PRKCH: variants seen among roughly 807,000 people sequenced by gnomAD.
PRKCH encodes protein kinase C eta, also known as protein kinase C eta type.
A neutral mutation model predicts 82.5 loss-of-function variants in PRKCH; 28 were observed. The observed-to-expected ratio is 0.34, with a 90% confidence interval of 0.25 to 0.47. The LOEUF is 0.47. PRKCH is among the 20% of genes least tolerant of loss of function. The pLI is 1.00. For missense variants in PRKCH, 705 were observed against 881.8 expected (o/e 0.80, Z 2.54); for synonymous variants, 322 against 327.4 (o/e 0.98, Z 0.18).
intron 1 of PRKCH, among the ~76,000 whole-genome samples, chr14:61,360,896 G>T (rs1025382443): frequency 4.6e-5 from 7 of 152,228 alleles, no homozygotes; most frequent in African/African-American, 1.7e-4. Flanking sequence ...TGGTGGGAGA[G>T]ACTGGAAGGA....
intron 9 of PRKCH, among the ~76,000 whole-genome samples, chr14:61,466,855 GC>G (rs1327593812): frequency 1.3e-5 from 2 of 152,150 alleles, no homozygotes. Context: ...GGAGTTCCTG[GC>G]AGGACCATAG....
intron 1 of PRKCH, among the ~76,000 whole-genome samples, chr14:61,248,798 A>ATG (rs1274097072): frequency 0.016 from 356 of 21,978 alleles, 4 homozygotes; most frequent in African/African-American, 0.077. Flanking sequence ...GTATGTATGT[A>ATG]TGTGTGTGTG....
intron 1 of PRKCH, among the ~76,000 whole-genome samples, chr14:61,269,861 C>A (rs1291794156): frequency 6.6e-6 from 1 of 152,202 alleles, no homozygotes; most frequent in Non-Finnish European, 1.5e-5. Context: ...CAGTCAGGCT[C>A]CGGCCACAGG....
At chr14:61,440,926 T>TTG (rs386381540) in intron 2 of PRKCH, among the ~76,000 whole-genome samples, 1 of 12,372 alleles carries the variant, frequency 8.1e-5, no homozygotes, top group Non-Finnish European at 0.01. Flanking sequence ...ATTTTTTTTC[T>TTG]TTTTTTTTTG....
At chr14:61,540,421 C>T (rs2140027916) in intron 12 of PRKCH, among the ~76,000 whole-genome samples, 1 of 152,286 alleles carries the variant, frequency 6.6e-6, no homozygotes, top group South Asian at 2.1e-4. Flanking sequence ...AGATTGGTAG[C>T]CTCAAGGGGA....
intron 1 of PRKCH, chr14:61,303,809 A>G (rs1354243566): frequency 6.8e-6 from 1 of 146,858 alleles, no homozygotes; most frequent in Non-Finnish European, 1.5e-5. Flanking sequence ...TTAGTATTCT[A>G]ATTCATTTAT....
At position 61,366,921 on chromosome 14, in the gene PRKCH, CCTT is replaced by C. The variant is rs1251253322; in HGVS notation, c.364-24301_364-24299del. 4.6e-5 allele frequency among the ~76,000 whole-genome samples: 7 copies of C among 152,044 alleles called. No homozygotes were observed. The East Asian group carries it at 9.6e-4, about 21-fold the overall frequency. On this transcript the variant is annotated intron_variant, in intron 1 of 13. Coordinates refer to ENST00000332981, the MANE Select transcript of PRKCH (RefSeq NM_006255.5). The stretch of plus-strand genomic sequence containing the variant: ...GAGCTCTCTGTCTAGGGATGTGGCT[CCTT>C]CTGCTGGCTTCTTCCCTTCTCTAAG...
chr14:61,256,981 A>G (rs2045003092), intron 1 of PRKCH, among the ~76,000 whole-genome samples: 1 of 152,212 alleles, frequency 6.6e-6, no homozygotes, highest in South Asian at 2.1e-4. Flanking sequence ...ATGTCTCTTT[A>G]TGGAGAAAAT....
intron 10 of PRKCH, among the ~76,000 whole-genome samples, chr14:61,512,150 C>T (rs1887404927): frequency 6.6e-6 from 1 of 151,708 alleles, no homozygotes; most frequent in South Asian, 2.1e-4. Context: ...TCTACGTGAG[C>T]ATAGGCTGTC....
At chr14:61,480,745 G>A (rs939652143) in intron 9 of PRKCH, among the ~76,000 whole-genome samples, 22 of 152,182 alleles carry the variant, frequency 1.4e-4, no homozygotes, top group Admixed American at 6.5e-4. Flanking sequence ...ACCTGTGAAA[G>A]CACCCCTAAG....
chr14:61,495,780 C>T (rs1886644079), intron 10 of PRKCH, among the ~76,000 whole-genome samples: 1 of 152,138 alleles, frequency 6.6e-6, no homozygotes, highest in Non-Finnish European at 1.5e-5. Context: ...GGGAGCTTAA[C>T]TTCTAGCACA....
chr14:61,435,793 T>C (rs1432894993), intron 2 of PRKCH, among the ~76,000 whole-genome samples: 2 of 152,106 alleles, frequency 1.3e-5, no homozygotes, highest in African/African-American at 4.8e-5. Flanking sequence ...AGGCAGTTGA[T>C]GAATGAACAT....
At chr14:61,417,889 C>G (rs1882642264) in intron 2 of PRKCH, among the ~76,000 whole-genome samples, 1 of 152,162 alleles carries the variant, frequency 6.6e-6, no homozygotes, top group South Asian at 2.1e-4. Context: ...TGGATGTTTT[C>G]AAGGACTGAT....
chr14:61,374,078 G>A (rs1291978621), intron 1 of PRKCH, among the ~76,000 whole-genome samples: 1 of 152,136 alleles, frequency 6.6e-6, no homozygotes, highest in Non-Finnish European at 1.5e-5. Flanking sequence ...GCAAAAGGGA[G>A]AAATTGGCCA....
At chr14:61,434,343 G>A (rs988900989) in intron 2 of PRKCH, among the ~76,000 whole-genome samples, 1 of 152,152 alleles carries the variant, frequency 6.6e-6, no homozygotes, top group African/African-American at 2.4e-5. Flanking sequence ...TGATGGAACA[G>A]AAACATTTTT....
chr14:61,295,742 G>A (rs370791357), intron 1 of PRKCH, among the ~76,000 whole-genome samples: 92 of 152,312 alleles, frequency 6.0e-4, no homozygotes, highest in African/African-American at 2.1e-3. Flanking sequence ...TAGACCAAGA[G>A]GAAGTAAAGA....
chr14:61,255,067 G>T (rs1177826394), intron 1 of PRKCH, among the ~76,000 whole-genome samples: 7 of 152,188 alleles, frequency 4.6e-5, no homozygotes, highest in Admixed American at 1.3e-4. Context: ...CAAGATTATG[G>T]CAGCCCTTCT....
rs35045657 is a variant in PRKCH, at chr14:61,287,204, TAAAAAAAA to T, written c.-19+99559_-19+99566del. 1.7e-4 allele frequency among the ~76,000 whole-genome samples: 10 copies of T among 57,928 alleles called. No individual in the cohort carries two copies. In the East Asian group the frequency reaches 3.4e-3, roughly 20 times the overall value. The allele number at this position is 57,928 out of a possible 152,430, so 38.0% of individuals were successfully genotyped here. A position where few individuals can be genotyped will look rare whatever the true frequency, so the allele number is the denominator to read the frequency against. On this transcript the variant is annotated intron_variant, in intron 1 of 3. Transcript: ENST00000555185. ...TGAGCAACAGTGCAAGACTCCGTCT[TAAAAAAAA>T]AAAAAAAAAAAAAAAAAAAAAAGAT...
At chr14:61,541,179 G>T (rs2043179765) in intron 12 of PRKCH, among the ~76,000 whole-genome samples, 1 of 152,280 alleles carries the variant, frequency 6.6e-6, no homozygotes, top group South Asian at 2.1e-4. Context: ...CTCCCCAACA[G>T]CTGGCAGGAG....
Sources: allele counts gnomAD v4.1 joint callset (sites outside exome capture counted in the v4.1 genomes callset), GRCh38; gene constraint gnomAD v4.1.1; transcripts MANE v1.5; gene names NCBI Gene and HGNC (gene_info 2026-07-23, HGNC 2026-07-21).